Variants in CELF2 observed in about 807,000 individuals in gnomAD.
The protein encoded by CELF2 is CUGBP Elav-like family member 2.
CELF2 carries 8 observed loss-of-function variants against 62.6 expected under a neutral mutation model. That is an observed-to-expected ratio of 0.13 (90% CI 0.07 to 0.23). The LOEUF (loss-of-function observed/expected upper bound fraction) is 0.23, where lower values mean the gene tolerates loss of function less well. Among genes scored for constraint, CELF2 ranks in the 10% least tolerant of loss-of-function variants. CELF2 has a pLI of 1.00. For synonymous variants in CELF2, 258 were observed against 250.0 expected, an observed-to-expected ratio of 1.03 and a Z score of -0.30; for missense variants, 333 against 671.0, an observed-to-expected ratio of 0.50 and a Z score of 5.56.
the CELF2 span, among the ~76,000 whole-genome samples, chr10:10,764,427 G>A: frequency 6.6e-6 from 1 of 151,984 alleles, no homozygotes; most frequent in Non-Finnish European, 1.5e-5. Context: ...AAACAAATAC[G>A]ATGGAGCACT....
chr10:11,261,716 C>T (rs1265388744), intron 5 of CELF2, among the ~76,000 whole-genome samples: 2 of 152,186 alleles, frequency 1.3e-5, no homozygotes, highest in African/African-American at 4.8e-5. Context: ...TGCTTTCAAG[C>T]AACTTTGGGA....
chr10:10,939,056 G>A (rs2046728012), intron 2 of CELF2, among the ~76,000 whole-genome samples: 1 of 152,138 alleles, frequency 6.6e-6, no homozygotes, highest in South Asian at 2.1e-4. Flanking sequence ...CATATAGGCA[G>A]GGCCCTGACA....
chr10:11,103,418 C>T (rs1020789782), intron 1 of CELF2, among the ~76,000 whole-genome samples: 2 of 149,328 alleles, frequency 1.3e-5, no homozygotes, highest in Non-Finnish European at 3.0e-5. Context: ...TTACAAGAGG[C>T]TGCATGGCCT....
At chr10:10,612,502 T>G in the CELF2 span, among the ~76,000 whole-genome samples, 2 of 152,094 alleles carry the variant, frequency 1.3e-5, no homozygotes, top group African/African-American at 4.8e-5. Flanking sequence ...AATGAACCAT[T>G]CTGATTAGCA....
intron 2 of CELF2, among the ~76,000 whole-genome samples, chr10:10,921,187 T>G (rs1591938457): frequency 6.6e-6 from 1 of 152,208 alleles, no homozygotes; most frequent in East Asian, 1.9e-4. Context: ...ATTCCTGACC[T>G]CAGGTGATCC....
the CELF2 span, among the ~76,000 whole-genome samples, chr10:10,786,239 G>C: frequency 1.3e-5 from 2 of 152,080 alleles, no homozygotes; most frequent in African/African-American, 2.4e-5. Context: ...AGTGACACAG[G>C]GACAATACAT....
At chr10:10,506,870 G>C in the CELF2 span, among the ~76,000 whole-genome samples, 1 of 151,580 alleles carries the variant, frequency 6.6e-6, no homozygotes, top group Non-Finnish European at 1.5e-5. Context: ...TCCCCATGTT[G>C]GCCAGGCTGA....
the CELF2 span, among the ~76,000 whole-genome samples, chr10:10,510,735 A>C: frequency 1.3e-5 from 2 of 152,330 alleles, no homozygotes; most frequent in Non-Finnish European, 2.9e-5. Flanking sequence ...CAGGAAGAAA[A>C]TAACTCAGGG....
upstream of CELF2, among the ~76,000 whole-genome samples, chr10:11,016,312 G>T (rs899313550): frequency 1.2e-4 from 18 of 152,138 alleles, no homozygotes; most frequent in African/African-American, 4.3e-4. The surrounding 1 kb of genome is among the most constrained non-coding windows in gnomAD (Gnocchi z 5.2). Flanking sequence ...AGTTCCTTAG[G>T]AGCCCAGACC....
the CELF2 span, among the ~76,000 whole-genome samples, chr10:10,772,614 G>A: frequency 1.3e-5 from 2 of 152,230 alleles, no homozygotes; most frequent in African/African-American, 4.8e-5. Flanking sequence ...TGCTATCACA[G>A]AGGGAACGGT....
chr10:10,589,600 G>A, the CELF2 span, among the ~76,000 whole-genome samples: 1 of 152,156 alleles, frequency 6.6e-6, no homozygotes, highest in South Asian at 2.1e-4. Context: ...TTGAGAGAAT[G>A]TGAAAATGAG....
chr10:11,207,038 T>A lies in CELF2; in HGVS notation c.272-10387T>A, dbSNP rs2060595650. 6.6e-6 allele frequency among the ~76,000 whole-genome samples: 1 copy of A among 152,252 alleles called. No homozygotes were observed. Among genetic ancestry groups the A allele is most frequent in the Admixed American group, 6.5e-5 (1 of 15,286 alleles). On this transcript the variant is annotated intron_variant, in intron 2 of 12. Coordinates refer to ENST00000633077, the MANE Select transcript of CELF2 (RefSeq NM_001326342.2). The surrounding 1 kb of genome is among the most constrained non-coding windows in gnomAD (Gnocchi z 4.1). Reference sequence around the variant, plus strand: ...TAGCTATTAGACAATTGAAATGGTTTAACATAAGTGTCTTATTTCAAAGAA... The same window carrying A: ...TAGCTATTAGACAATTGAAATGGTTAAACATAAGTGTCTTATTTCAAAGAA...
intron 2 of CELF2, among the ~76,000 whole-genome samples, chr10:10,986,385 T>A (rs568100063): frequency 1.7e-4 from 26 of 152,336 alleles, no homozygotes; most frequent in African/African-American, 6.3e-4. Flanking sequence ...TAAAGAATTA[T>A]CTCCTTTACT....
chr10:11,317,610 T>C (rs2095118336), intron 10 of CELF2: 1 of 152,280 alleles, frequency 6.6e-6, no homozygotes, highest in Non-Finnish European at 1.5e-5. Flanking sequence ...TTGCAGGGAA[T>C]GTGGTCTGCT....
chr10:10,577,392 T>TTATTATTATTATTAC, the CELF2 span, among the ~76,000 whole-genome samples: 12 of 150,578 alleles, frequency 8.0e-5, no homozygotes, highest in East Asian at 2.1e-3. Context: ...ATTATTATTA[T>TTATTATTATTATTAC]TATACTTTAA....
At chr10:10,985,477 G>A (rs2052637128) in intron 2 of CELF2, among the ~76,000 whole-genome samples, 1 of 152,140 alleles carries the variant, frequency 6.6e-6, no homozygotes, top group Non-Finnish European at 1.5e-5. Flanking sequence ...GGGCCCTTTT[G>A]TAAGACACCC....
chr10:11,009,464 T>A (rs1483904653), intron 1 of CELF2, among the ~76,000 whole-genome samples: 1 of 152,182 alleles, frequency 6.6e-6, no homozygotes. Context: ...TTCTGCTTCA[T>A]GGAACGTTGT....
At chr10:10,774,152 A>G in the CELF2 span, among the ~76,000 whole-genome samples, 1 of 152,210 alleles carries the variant, frequency 6.6e-6, no homozygotes, top group Non-Finnish European at 1.5e-5. Context: ...GCAGAGAAAT[A>G]TTTATTAAGC....
At chr10:11,015,854 T>C (rs2057181927), upstream of CELF2, among the ~76,000 whole-genome samples, 1 of 152,190 alleles carries the variant, frequency 6.6e-6, no homozygotes, top group African/African-American at 2.4e-5. The surrounding 1 kb of genome is among the most constrained non-coding windows in gnomAD (Gnocchi z 4.8). Context: ...TCCAACTAAT[T>C]CACATGCAAT....
Sources: gnomAD v4.1 joint callset for allele counts (sites outside exome capture counted in the v4.1 genomes callset) on GRCh38, gnomAD v4.1.1 for gene constraint, Gnocchi (gnomAD v3.1) non-coding constraint, MANE v1.5 for transcripts, NCBI Gene and HGNC (gene_info 2026-07-23, HGNC 2026-07-21) for gene names.